The following ARHGAP20 variants were observed in gnomAD, a reference collection of about 807,000 sequenced individuals.
ARHGAP20 encodes the protein rho GTPase-activating protein 20.
ARHGAP20 carries 34 observed loss-of-function variants against 73.7 expected under a neutral mutation model. The ratio of observed to expected loss-of-function variants is 0.46; its 90% confidence interval spans 0.35 to 0.61. The LOEUF (loss-of-function observed/expected upper bound fraction) is 0.61. Among genes scored for constraint, ARHGAP20 ranks in the 20% least tolerant of loss-of-function variants. The pLI is 0.00. For missense variants in ARHGAP20, 1,314 were observed against 1,420.9 expected (o/e 0.92, Z 1.21); for synonymous variants, 523 against 518.2 (o/e 1.01, Z -0.13).
At chr11:110,660,335 G>A (rs1454741242) in intron 2 of ARHGAP20, among the ~76,000 whole-genome samples, 2 of 152,154 alleles carry the variant, frequency 1.3e-5, no homozygotes, top group African/African-American at 2.4e-5. Context: ...CCTAAAGGGT[G>A]AGTCAAGAGA....
chr11:110,671,724 C>T (rs1226192382), intron 2 of ARHGAP20, among the ~76,000 whole-genome samples: 2 of 151,644 alleles, frequency 1.3e-5, no homozygotes, highest in East Asian at 1.9e-4. Flanking sequence ...GTCATAATAT[C>T]GACAAAAACA....
intron 8 of ARHGAP20, among the ~76,000 whole-genome samples, chr11:110,608,738 G>C (rs1428435750): frequency 6.6e-6 from 1 of 152,106 alleles, no homozygotes; most frequent in Non-Finnish European, 1.5e-5. Context: ...ACTCTTGTTT[G>C]TCAAATGAAA....
At chr11:110,605,535 A>G (rs538220416) in intron 9 of ARHGAP20, among the ~76,000 whole-genome samples, 16 of 152,342 alleles carry the variant, frequency 1.1e-4, no homozygotes, top group Non-Finnish European at 2.2e-4. Context: ...ACTCTTTACA[A>G]TGAATGCTGA....
intron 9 of ARHGAP20, among the ~76,000 whole-genome samples, chr11:110,598,140 C>T (rs1948017306): frequency 6.7e-6 from 1 of 149,614 alleles, no homozygotes; most frequent in African/African-American, 2.5e-5. Flanking sequence ...CTACTCCGGC[C>T]ATGTAACTCC....
chr11:110,597,456 C>T (rs1311233568), intron 9 of ARHGAP20, among the ~76,000 whole-genome samples: 1 of 151,876 alleles, frequency 6.6e-6, no homozygotes, highest in Non-Finnish European at 1.5e-5. Context: ...TGTGCTCAGT[C>T]TTGGTTTGCT....
chr11:110,680,454 G>C (rs1048906487), intron 2 of ARHGAP20, among the ~76,000 whole-genome samples: 1 of 152,034 alleles, frequency 6.6e-6, no homozygotes, highest in Admixed American at 6.6e-5. Flanking sequence ...GTTGTATAGG[G>C]GAAGAGAGTA....
chr11:110,681,083 A>G (rs1389964418), intron 2 of ARHGAP20, among the ~76,000 whole-genome samples: 1 of 152,192 alleles, frequency 6.6e-6, no homozygotes, highest in Non-Finnish European at 1.5e-5. Context: ...TCATTCACAG[A>G]TCTCTCAAAT....
chr11:110,677,616 G>A (rs556893128), intron 2 of ARHGAP20, among the ~76,000 whole-genome samples: 1 of 152,252 alleles, frequency 6.6e-6, no homozygotes, highest in African/African-American at 2.4e-5. Context: ...CTGCACTCCA[G>A]CCTGAGTGAC....
intron 1 of ARHGAP20, among the ~76,000 whole-genome samples, chr11:110,693,892 C>G (rs1188629855): frequency 1.3e-5 from 2 of 151,730 alleles, no homozygotes; most frequent in Non-Finnish European, 3.0e-5. Flanking sequence ...TCACAGAAAA[C>G]AAGGTAAACT....
At chr11:110,606,325 G>A (rs1401154454) in intron 9 of ARHGAP20, among the ~76,000 whole-genome samples, 2 of 152,194 alleles carry the variant, frequency 1.3e-5, no homozygotes, top group African/African-American at 2.4e-5. Context: ...TAAGGTTAAA[G>A]GGGAAAGAAT....
chr11:110,592,213 A>T (rs994410694), intron 9 of ARHGAP20, 58 bp from the exon 10 acceptor site: 21 of 1,485,790 alleles, frequency 1.4e-5, no homozygotes, highest in Non-Finnish European at 1.7e-5. Flanking sequence ...TCTTATTTCT[A>T]TAACTTCCAT....
intron 3 of ARHGAP20, among the ~76,000 whole-genome samples, chr11:110,627,119 G>A (rs991431106): frequency 1.6e-4 from 25 of 151,922 alleles, no homozygotes; most frequent in Admixed American, 1.1e-3. Flanking sequence ...ACAGAGTTTC[G>A]CTCTTGTCAC....
chr11:110,671,281 G>A (rs545885928), intron 2 of ARHGAP20, among the ~76,000 whole-genome samples: 19 of 151,846 alleles, frequency 1.3e-4, no homozygotes, highest in African/African-American at 4.1e-4. Flanking sequence ...AAAAGCATCT[G>A]ATGAAATTTA....
rs1947363821 is a variant in ARHGAP20 at position 110,579,120 on chromosome 11, A to G, written c.*250T>C. 1 of 1,119,476 alleles carries G rather than the reference A, an allele frequency of 8.9e-7. No individual in the cohort carries two copies. The highest frequency in any genetic ancestry group is 1.1e-6 in the Non-Finnish European group (1 of 911,940). The allele number at this position is 1,119,476 out of a possible 1,614,324, so 69.3% of individuals were successfully genotyped here. A position where few individuals can be genotyped will look rare whatever the true frequency, so the allele number is the denominator to read the frequency against. ...CTAGCCCTCTGTTAGTATCTCTAAA[A>G]CCACATGACAGGACCAATCCCAACC... On this transcript the variant is annotated 3_prime_UTR_variant, in exon 15 of 15. Transcript: ENST00000683387.
At position 110,581,000 on chromosome 11, in the gene ARHGAP20, A is replaced by G; in HGVS notation, c.1946T>C (p.Val649Ala). 1 of 1,614,154 alleles carries G rather than the reference A, an allele frequency of 6.2e-7. No homozygotes were observed. Among genetic ancestry groups the G allele is most frequent in the Non-Finnish European group, 8.5e-7 (1 of 1,180,022 alleles). The change falls in exon 15 of 15, where the codon GTT becomes GCT. Residue 649 changes from valine (V) to alanine (A), a missense_variant. By Grantham distance (64) the Val-to-Ala change is moderately conservative. Coordinates refer to ENST00000683387, the MANE Select transcript of ARHGAP20 (RefSeq NM_001384657.1). ...FDLAHSKDED[V>A]QMKRPLESKP... ...GGATTCAAGAGGCCGTTTCATTTGA[A>G]CATCTTCATCTTTAGAATGGGCCAA...
chr11:110,704,790 CCCTGTGAT>C (rs1474547661), intron 1 of ARHGAP20, among the ~76,000 whole-genome samples: 1 of 152,144 alleles, frequency 6.6e-6, no homozygotes, highest in East Asian at 1.9e-4. Flanking sequence ...CCTCTAGAAT[CCCTGTGAT>C]CCTAAACACT....
chr11:110,668,539 C>G (rs1298296245), intron 2 of ARHGAP20, among the ~76,000 whole-genome samples: 1 of 151,958 alleles, frequency 6.6e-6, no homozygotes, highest in South Asian at 2.1e-4. Flanking sequence ...GTCCCAGCTA[C>G]TCAGGAGGCT....
chr11:110,648,193 A>ATATATATATATATGTAAATATATATATG (rs1565457345), intron 2 of ARHGAP20, among the ~76,000 whole-genome samples: 165 of 85,664 alleles, frequency 1.9e-3, no homozygotes, highest in Non-Finnish European at 2.8e-3. Flanking sequence ...ATATATGTAA[A>ATATATATATATATGTAAATATATATATG]TATATATATA....
intron 9 of ARHGAP20, among the ~76,000 whole-genome samples, chr11:110,600,588 T>A (rs624336): frequency 1.4e-4 from 21 of 152,116 alleles, no homozygotes; most frequent in Non-Finnish European, 2.1e-4. Context: ...CTGCAAGGCC[T>A]AGTGGGTGGA....
Sources: allele counts gnomAD v4.1 joint callset (sites outside exome capture counted in the v4.1 genomes callset), GRCh38; gene constraint gnomAD v4.1.1; transcripts MANE v1.5; gene names NCBI Gene and HGNC (gene_info 2026-07-23, HGNC 2026-07-21).